Variants in ADCYAP1R1 observed in about 807,000 individuals in gnomAD.
ADCYAP1R1 encodes pituitary adenylate cyclase-activating polypeptide type I receptor.
A neutral mutation model predicts 67.6 loss-of-function variants in ADCYAP1R1; 44 were observed. The ratio of observed to expected loss-of-function variants is 0.65; its 90% CI spans 0.51 to 0.84. ADCYAP1R1 has a LOEUF of 0.84. Among genes scored for constraint, ADCYAP1R1 ranks in the 40% least tolerant of loss-of-function variants. The pLI, the probability that ADCYAP1R1 is intolerant of heterozygous loss-of-function variation, is 0.00. For synonymous variants in ADCYAP1R1, 222 were observed against 219.6 expected (o/e 1.01, Z -0.10); for missense variants, 477 against 587.9 (o/e 0.81, Z 1.95).
chr7:31,104,960 G>A (rs766391765), intron 15 of ADCYAP1R1, 51 bp downstream of exon 15: 3 of 1,590,158 alleles, frequency 1.9e-6, no homozygotes, highest in African/African-American at 2.7e-5. Flanking sequence ...GGCTTTCTGG[G>A]GAGCAGACAG....
At chr7:31,053,524 TCAGGAGG>T (rs1794115441) in intron 1 of ADCYAP1R1, among the ~76,000 whole-genome samples, 2 of 152,244 alleles carry the variant, frequency 1.3e-5, no homozygotes, top group South Asian at 4.1e-4. Context: ...AACTAGACCC[TCAGGAGG>T]GAACCCAGCC....
intron 14 of ADCYAP1R1, among the ~76,000 whole-genome samples, chr7:31,103,682 C>T (rs1796524761): frequency 6.6e-6 from 1 of 152,200 alleles, no homozygotes; most frequent in Non-Finnish European, 1.5e-5. Flanking sequence ...TGTCCACATC[C>T]TGCCTTCAGC....
intron 1 of ADCYAP1R1, among the ~76,000 whole-genome samples, chr7:31,055,652 C>A (rs541326856): frequency 6.6e-6 from 1 of 152,266 alleles, no homozygotes; most frequent in African/African-American, 2.4e-5. Flanking sequence ...ACTGGCCGTA[C>A]AAAAATAGGC....
At chr7:31,075,551 C>T (rs997866921) in intron 3 of ADCYAP1R1, among the ~76,000 whole-genome samples, 6 of 152,162 alleles carry the variant, frequency 3.9e-5, no homozygotes, top group African/African-American at 1.4e-4. Flanking sequence ...ATGGGTTCTC[C>T]AGGGTTCCTT....
chr7:31,057,184 C>T (rs1794283484), intron 1 of ADCYAP1R1: 1 of 152,482 alleles, frequency 6.6e-6, no homozygotes, highest in African/African-American at 2.4e-5. Flanking sequence ...CCTCCCTCCT[C>T]TCATTCGCTC....
chr7:31,059,326 A>G (rs1265164042), intron 1 of ADCYAP1R1, among the ~76,000 whole-genome samples: 1 of 152,206 alleles, frequency 6.6e-6, no homozygotes, highest in Admixed American at 6.5e-5. Context: ...AGAGAAGTTA[A>G]GCAGTTTTCC....
At chr7:31,078,261 CG>C (rs1176851939) in intron 4 of ADCYAP1R1, among the ~76,000 whole-genome samples, 163 bp downstream of exon 4, 1 of 152,138 alleles carries the variant, frequency 6.6e-6, no homozygotes, top group Admixed American at 6.5e-5. Context: ...CTTGCACACA[CG>C]GGGACACAGG....
chr7:31,053,143 C>G (rs1794092864), intron 1 of ADCYAP1R1, among the ~76,000 whole-genome samples: 1 of 151,684 alleles, frequency 6.6e-6, no homozygotes, highest in Non-Finnish European at 1.5e-5. Context: ...GGCTAGGTAC[C>G]GCAATCCGCA....
chr7:31,079,798 C>A (rs1021835677), intron 4 of ADCYAP1R1, among the ~76,000 whole-genome samples: 5 of 152,176 alleles, frequency 3.3e-5, no homozygotes, highest in Admixed American at 6.5e-5. Context: ...TGAACTCTCC[C>A]ATCTGAGGGC....
At chr7:31,105,337 C>T in intron 15 of ADCYAP1R1, among the ~76,000 whole-genome samples, 1 of 152,206 alleles carries the variant, frequency 6.6e-6, no homozygotes, top group East Asian at 1.9e-4. Flanking sequence ...AGCTGCCTGG[C>T]ACTCAGGGTT....
chr7:31,087,977 T>A (rs545387056), intron 12 of ADCYAP1R1, among the ~76,000 whole-genome samples: 20 of 152,356 alleles, frequency 1.3e-4, no homozygotes, highest in African/African-American at 4.6e-4. Context: ...AGAAGTGGAA[T>A]TGCTGGGTTG....
chr7:31,053,033 G>C (rs1462060973), intron 1 of ADCYAP1R1, among the ~76,000 whole-genome samples: 1 of 152,024 alleles, frequency 6.6e-6, no homozygotes, highest in East Asian at 1.9e-4. Context: ...GGGCAGGCAA[G>C]CCATGCGGCC....
Position 31,092,734 on chromosome 7 carries a change from T to A in ADCYAP1R1, c.1045T>A (p.Leu349Met). The change falls in exon 13 of 16, where the codon TTG becomes ATG. Residue 349 changes from leucine to methionine, a missense_variant and splice_region_variant. Physicochemically the swap from Leu to Met is conservative, Grantham distance 15. Coordinates refer to ENST00000304166, the MANE Select transcript of ADCYAP1R1 (RefSeq NM_001118.5). ...GGGAGGCAATGAGTCCAGCATCTAC[T>A]TGTAAGTACCATTGTGTGGCTGCCA... ...DMGGNESSIY[L>M]RLARSTLLLI... is the part of the protein sequence containing the mutation. 1 of 1,608,796 alleles carries A rather than the reference T, an allele frequency of 6.2e-7. No homozygotes were observed. Among genetic ancestry groups the A allele is most frequent in the South Asian group, 1.1e-5 (1 of 90,546 alleles).
In ADCYAP1R1 at chr7:31,087,688, T is replaced by C. The variant is rs1172068890; in HGVS notation, c.946T>C (p.Ser316Pro). ...GGTGATCAAAGGCCCTGTGGTTGGC[T>C]CTATCATGGTGAGTGTCCTTGGGAT... Reference protein sequence around the residue: ...WWVIKGPVVGSIMVNFVLFIG... With the variant: ...WWVIKGPVVGPIMVNFVLFIG... Residue 316 changes from serine to proline, a missense_variant, in exon 12 of 16, where the codon TCT (serine) becomes CCT (proline). By Grantham distance (74) the Ser-to-Pro change is moderately conservative. Transcript: ENST00000304166. The C allele has an allele frequency of 1.2e-6, 2 of 1,613,628 alleles. No individual in the cohort carries two copies. Among genetic ancestry groups the C allele is most frequent in the Non-Finnish European group, 8.5e-7 (1 of 1,179,780 alleles).
Position 31,110,434 on chromosome 7 carries a change from A to G in ADCYAP1R1, c.*3750A>G, listed in dbSNP as rs1483762972. 1 of 152,140 alleles carries G rather than the reference A, an allele frequency of 6.6e-6. No individual in the cohort carries two copies. Among genetic ancestry groups the G allele is most frequent in the Non-Finnish European group, 1.5e-5 (1 of 68,032 alleles). The allele number at this position is 152,140 out of a possible 1,614,324, so 9.4% of individuals were successfully genotyped here. On this transcript the variant is annotated 3_prime_UTR_variant, in exon 16 of 16. Transcript: ENST00000304166. ...GCTGGGAGGAAACTTGGAGATCTAT[A>G]GGTCAAACCTCCCCATTGGGCTGAT...
At chr7:31,068,360 C>A (rs929739328) in intron 3 of ADCYAP1R1, among the ~76,000 whole-genome samples, 5 of 152,186 alleles carry the variant, frequency 3.3e-5, no homozygotes, top group African/African-American at 1.2e-4. Context: ...TAGTAAACCC[C>A]TCAGCCGGGA....
At chr7:31,080,087 C>T (rs1410360614) in intron 4 of ADCYAP1R1, among the ~76,000 whole-genome samples, 2 of 152,178 alleles carry the variant, frequency 1.3e-5, no homozygotes, top group African/African-American at 2.4e-5. Flanking sequence ...TTCTCAACAA[C>T]GAAAGGCAAA....
intron 1 of ADCYAP1R1, among the ~76,000 whole-genome samples, chr7:31,053,503 C>T (rs1584464054): frequency 6.6e-6 from 1 of 152,298 alleles, no homozygotes; most frequent in East Asian, 1.9e-4. Context: ...GACAGGGGAG[C>T]CGATGGATGC....
intron 1 of ADCYAP1R1, among the ~76,000 whole-genome samples, chr7:31,055,239 C>A (rs538318154): frequency 6.6e-6 from 1 of 152,240 alleles, no homozygotes; most frequent in Non-Finnish European, 1.5e-5. Context: ...CAGATCTGGG[C>A]ACACCCGGGG....
Sources: gnomAD v4.1 joint callset for allele counts (sites outside exome capture counted in the v4.1 genomes callset) on GRCh38, gnomAD v4.1.1 for gene constraint, MANE v1.5 for transcripts, NCBI Gene and HGNC (gene_info 2026-07-23, HGNC 2026-07-21) for gene names.